The following GLIS3 variants were observed in gnomAD, a reference collection of about 807,000 sequenced individuals.
The protein encoded by GLIS3 is GLIS family zinc finger 3.
Under a neutral mutation model 78.6 loss-of-function variants are expected in GLIS3, and 53 were observed. The observed-to-expected ratio is 0.67, with a 90% CI of 0.54 to 0.85. GLIS3 has a LOEUF of 0.85. GLIS3 is among the 40% of genes least tolerant of loss of function. The pLI, the probability that GLIS3 is intolerant of heterozygous loss-of-function variation, is 0.00. For synonymous variants in GLIS3, 684 were observed against 509.9 expected (o/e 1.34, Z -4.60); for missense variants, 1,703 against 1,231.1 (o/e 1.38, Z -5.74).
Position 4,300,031 on chromosome 9 carries a change from G to C in GLIS3, c.-709C>G, listed in dbSNP as rs578180210. The C allele has an allele frequency of 1.3e-5, 2 of 152,392 alleles. No homozygotes were observed. The highest frequency in any genetic ancestry group is 6.5e-5 in the Admixed American group (1 of 15,272). 9.4% of individuals were successfully genotyped at this position (152,392 alleles called of 1,614,324 possible). A position where few individuals can be genotyped will look rare whatever the true frequency, so the allele number is the denominator to read the frequency against. On this transcript the variant is annotated 5_prime_UTR_variant, in exon 1 of 11. Transcript: ENST00000381971. ...GGGAGAGGGGAAGGGGGAAGAGGGA[G>C]GGAGGAAGGCAGCCGGGCGAGGAGT...
intron 4 of GLIS3, among the ~76,000 whole-genome samples, chr9:4,046,155 T>C (rs909982085): frequency 6.6e-6 from 1 of 152,182 alleles, no homozygotes; most frequent in Non-Finnish European, 1.5e-5. Context: ...TTATAAATTA[T>C]AGAGGGGGGT....
At chr9:4,116,387 T>C (rs577493269) in intron 4 of GLIS3, among the ~76,000 whole-genome samples, 1 of 152,350 alleles carries the variant, frequency 6.6e-6, no homozygotes, top group South Asian at 2.1e-4. Context: ...GTCTGGAAAG[T>C]AATTATTCTT....
the GLIS3 span, among the ~76,000 whole-genome samples, chr9:4,401,632 A>G: frequency 4.0e-5 from 6 of 150,392 alleles, no homozygotes; most frequent in African/African-American, 1.5e-4. Flanking sequence ...CAATGGTGCA[A>G]TCTCAGCTCA....
chr9:4,410,520 C>T, the GLIS3 span, among the ~76,000 whole-genome samples: 1 of 152,120 alleles, frequency 6.6e-6, no homozygotes, highest in Non-Finnish European at 1.5e-5. Flanking sequence ...AAGAATTTCA[C>T]GTAAATCAGC....
intron 2 of GLIS3, among the ~76,000 whole-genome samples, chr9:4,176,350 G>A (rs1385989110): frequency 6.6e-6 from 1 of 152,126 alleles, no homozygotes; most frequent in South Asian, 2.1e-4. Context: ...TCTCTAGTCT[G>A]TCCTCTCCAC....
intron 2 of GLIS3, among the ~76,000 whole-genome samples, chr9:4,228,910 C>G (rs958667828): frequency 3.9e-5 from 6 of 152,124 alleles, no homozygotes; most frequent in Non-Finnish European, 7.4e-5. Context: ...AGGGTTCATC[C>G]TACTCTAAAA....
intron 2 of GLIS3, among the ~76,000 whole-genome samples, chr9:4,192,132 T>C (rs993880171): frequency 5.9e-5 from 9 of 152,168 alleles, no homozygotes; most frequent in Non-Finnish European, 1.0e-4. Context: ...TAGTAAAGAA[T>C]TGATGCTCTT....
chr9:4,416,877 G>T, the GLIS3 span, among the ~76,000 whole-genome samples: 1,776 of 145,690 alleles, frequency 0.012, 45 homozygotes, highest in African/African-American at 0.044. Context: ...GGAGTGCAGT[G>T]GTGTGATCTT....
intron 4 of GLIS3, among the ~76,000 whole-genome samples, chr9:3,956,983 C>T (rs946549772): frequency 2.0e-5 from 3 of 152,202 alleles, no homozygotes; most frequent in African/African-American, 7.2e-5. Context: ...GAGCTCCATC[C>T]TTGAGAACTT....
At chr9:4,316,531 A>G (rs554154222) in intron 2 of GLIS3, among the ~76,000 whole-genome samples, 2 of 152,354 alleles carry the variant, frequency 1.3e-5, no homozygotes, top group African/African-American at 4.8e-5. Flanking sequence ...TGTGGAGTGT[A>G]CATGTTCTCT....
rs943112904 is a variant in GLIS3 at position 4,069,315 on chromosome 9, T to TG, written c.1710+48452dup. On this transcript the variant is annotated intron_variant, in intron 4 of 10. Coordinates refer to ENST00000381971, the MANE Select transcript of GLIS3 (RefSeq NM_001042413.2). Reference sequence around the variant, plus strand: ...GCCTGAAACTATTGGAAAGCCTGCCTGGCTGGTAGCTGAGCTATTGGATCG... The same window carrying TG: ...GCCTGAAACTATTGGAAAGCCTGCCTGGGCTGGTAGCTGAGCTATTGGATCG... 2.0e-5 allele frequency among the ~76,000 whole-genome samples: 3 copies of TG among 152,216 alleles called. No individual in the cohort carries two copies. The East Asian group carries it at 5.8e-4, about 29-fold the overall frequency.
chr9:4,381,667 G>C, the GLIS3 span, among the ~76,000 whole-genome samples: 2 of 152,070 alleles, frequency 1.3e-5, no homozygotes, highest in Non-Finnish European at 2.9e-5. Flanking sequence ...ATTTTACTTG[G>C]TGCATCAGTT....
intron 4 of GLIS3, among the ~76,000 whole-genome samples, chr9:4,008,299 T>C (rs1287799121): frequency 1.3e-5 from 2 of 152,130 alleles, no homozygotes; most frequent in East Asian, 3.8e-4. Context: ...CGCTTGGCCA[T>C]GACAAGTCTG....
chr9:4,445,195 G>C, the GLIS3 span, among the ~76,000 whole-genome samples: 1 of 152,142 alleles, frequency 6.6e-6, no homozygotes, highest in Non-Finnish European at 1.5e-5. Flanking sequence ...GGTCAATCAG[G>C]AACATACTAT....
intron 2 of GLIS3, among the ~76,000 whole-genome samples, chr9:4,274,389 C>T (rs1340449735): frequency 4.6e-5 from 7 of 152,060 alleles, no homozygotes; most frequent in Non-Finnish European, 1.0e-4. Flanking sequence ...GATTGGGTTC[C>T]TTCTGCACAG....
At chr9:4,211,506 G>A (rs542099282) in intron 2 of GLIS3, among the ~76,000 whole-genome samples, 5 of 152,330 alleles carry the variant, frequency 3.3e-5, no homozygotes, top group Admixed American at 2.6e-4. Context: ...CCAGACGGAG[G>A]GATGAAAGGG....
At chr9:4,267,987 GTATA>G (rs1159747061) in intron 2 of GLIS3, among the ~76,000 whole-genome samples, 4 of 151,640 alleles carry the variant, frequency 2.6e-5, no homozygotes, top group Non-Finnish European at 4.4e-5. Flanking sequence ...ATGTGCATGT[GTATA>G]TATATGTGTG....
the GLIS3 span, among the ~76,000 whole-genome samples, chr9:4,489,735 C>G: frequency 6.6e-6 from 1 of 152,182 alleles, no homozygotes; most frequent in Non-Finnish European, 1.5e-5. Context: ...CTAATCACTG[C>G]CCCAAGCCTC....
At chr9:4,036,669 A>T (rs1824335289) in intron 4 of GLIS3, among the ~76,000 whole-genome samples, 1 of 152,200 alleles carries the variant, frequency 6.6e-6, no homozygotes, top group Non-Finnish European at 1.5e-5. Context: ...GGTGCCCAGC[A>T]AACGGCGCAT....
Sources: gnomAD v4.1 joint callset for allele counts (sites outside exome capture counted in the v4.1 genomes callset) on GRCh38, gnomAD v4.1.1 for gene constraint, MANE v1.5 for transcripts, NCBI Gene and HGNC (gene_info 2026-07-23, HGNC 2026-07-21) for gene names.